Variants in JAK2 observed in about 807,000 individuals in gnomAD.
JAK2 encodes the protein tyrosine-protein kinase JAK2.
JAK2 carries 86 observed loss-of-function variants against 139.3 expected under a neutral mutation model. That is an observed-to-expected ratio of 0.62 (90% CI 0.52 to 0.74). The LOEUF (loss-of-function observed/expected upper bound fraction) is 0.74, where lower values mean the gene tolerates loss of function less well. JAK2 is among the 30% of genes least tolerant of loss of function. The pLI is 0.00. For synonymous variants in JAK2, 490 were observed against 437.7 expected (o/e 1.12, Z -1.49); for missense variants, 1,421 against 1,360.3 (o/e 1.04, Z -0.70).
At chr9:5,022,975 G>T (rs1352150848) in intron 3 of JAK2, among the ~76,000 whole-genome samples, 1 of 152,152 alleles carries the variant, frequency 6.6e-6, no homozygotes, top group Non-Finnish European at 1.5e-5. Flanking sequence ...GATCAGTATA[G>T]GTCAGAATAA....
At position 5,102,502 on chromosome 9, in the gene JAK2, C is replaced by G. The variant is rs201495277; in HGVS notation, c.3059+11591C>G. ...TATCCAGGAGAACTTCCCCGACCTA[C>G]CAAGGCAGGCCAACATTCAAATTCA... is the stretch of plus-strand genomic sequence containing the variant. On this transcript the variant is annotated intron_variant, in intron 22 of 24. Transcript: ENST00000381652. Among the ~76,000 whole-genome samples the G allele has an allele frequency of 3.9e-5, 6 of 152,224 alleles. No homozygotes were observed. In the East Asian group the frequency reaches 1.2e-3, roughly 29 times the overall value.
chr9:5,085,762 G>A, intron 19 of JAK2: 2 of 754,954 alleles, frequency 2.6e-6, no homozygotes, highest in Non-Finnish European at 5.0e-6. Flanking sequence ...GCTTGCACAT[G>A]TCGGGAGTTA....
At chr9:5,083,569 T>C (rs1167573681) in intron 19 of JAK2, among the ~76,000 whole-genome samples, 1 of 152,200 alleles carries the variant, frequency 6.6e-6, no homozygotes, top group African/African-American at 2.4e-5. Context: ...TAGATCTTGG[T>C]TTTTGTTTGC....
chr9:5,049,129 G>C (rs537822639), intron 5 of JAK2, among the ~76,000 whole-genome samples: 18 of 151,972 alleles, frequency 1.2e-4, no homozygotes, highest in Non-Finnish European at 1.9e-4. Flanking sequence ...TCTGTTTCCT[G>C]GATCAGATCC....
At chr9:5,050,338 C>T (rs1817325152) in intron 5 of JAK2, among the ~76,000 whole-genome samples, 1 of 152,102 alleles carries the variant, frequency 6.6e-6, no homozygotes, top group Non-Finnish European at 1.5e-5. Flanking sequence ...GTCTGTTACC[C>T]AGACTAGGGT....
At chr9:5,038,448 TTCAGACAAAGA>T (rs1258985443) in intron 4 of JAK2, among the ~76,000 whole-genome samples, 1 of 152,144 alleles carries the variant, frequency 6.6e-6, no homozygotes, top group African/African-American at 2.4e-5. Flanking sequence ...TGATAACAAA[TTCAGACAAAGA>T]TGTCTAGAAG....
Position 5,054,881 on chromosome 9 carries a change from A to T in JAK2, c.933A>T (p.Glu311Asp). The T allele has an allele frequency of 3.2e-6, 5 of 1,584,028 alleles. No individual in the cohort carries two copies. The highest frequency in any genetic ancestry group is 4.3e-6 in the Non-Finnish European group (5 of 1,161,308). Residue 311 changes from glutamate to aspartate, a missense_variant, in exon 7 of 25, where the codon GAA (glutamate) becomes GAT (aspartate). Physicochemically the swap from Glu to Asp is conservative, Grantham distance 45 (BLOSUM62 2). Coordinates refer to ENST00000381652, the MANE Select transcript of JAK2 (RefSeq NM_004972.4). The surrounding 1 kb of genome is among the most constrained non-coding windows in gnomAD (Gnocchi z 4.9). ...GKHKESETLT[E>D]QDLQLYCDFP... ...ATAAAGAAAGTGAGACACTGACAGAACAGGTAATCCTTAATGATATGTTCT... is the reference window on the plus strand; with the variant it reads ...ATAAAGAAAGTGAGACACTGACAGATCAGGTAATCCTTAATGATATGTTCT...
chr9:5,031,837 A>G (rs1229655399), intron 4 of JAK2, among the ~76,000 whole-genome samples: 1 of 152,260 alleles, frequency 6.6e-6, no homozygotes, highest in Non-Finnish European at 1.5e-5. Flanking sequence ...TGGGCGATGC[A>G]GAAGACGGGT....
chr9:5,042,066 G>A (rs1469642353), intron 4 of JAK2: 3 of 232,162 alleles, frequency 1.3e-5, no homozygotes, highest in South Asian at 5.4e-5. Context: ...GGTCTTGGCC[G>A]GCGGCCCCAT....
At chr9:5,097,783 G>A (rs1433843773) in intron 22 of JAK2, 1 of 152,122 alleles carries the variant, frequency 6.6e-6, no homozygotes, top group Admixed American at 6.5e-5. Flanking sequence ...CTATGTTGTA[G>A]CTCATTTCCA....
chr9:5,069,099 G>C lies in JAK2; in HGVS notation c.1404G>C (p.Lys468Asn), dbSNP rs772550238. 1.2e-6 allele frequency: 2 copies of C among 1,611,456 alleles called. No individual in the cohort carries two copies. The highest frequency in any genetic ancestry group is 1.1e-5 in the South Asian group (1 of 90,968). Residue 468 changes from lysine (K) to asparagine (N), a missense_variant, in exon 11 of 25, where the codon AAG (lysine) becomes AAC (asparagine). By Grantham distance (94) the Lys-to-Asn change is moderately conservative (BLOSUM62 0). Coordinates refer to ENST00000381652, the MANE Select transcript of JAK2 (RefSeq NM_004972.4). ...AAGAGTACAACCTCAGTGGGACAAA[G>C]AAGAACTTCAGCAGTCTTAAAGATC... ...ENEEYNLSGT[K>N]KNFSSLKDLL...
rs58424625 is a variant in JAK2 at position 5,062,500 on chromosome 9, T to TAAAAAAAAAAAAAAAAAAAAA, written c.1057-2372_1057-2352dup. ...AAGTTTGTCAGAAACCTTCCATTTG[T>TAAAAAAAAAAAAAAAAAAAAA]AAAAAAAAAAAAAAAAAAAAAAAAA... On this transcript the variant is annotated intron_variant, in intron 8 of 24. Transcript: ENST00000381652. 3.1e-4 allele frequency among the ~76,000 whole-genome samples: 18 copies of TAAAAAAAAAAAAAAAAAAAAA among 58,246 alleles called. 3 individuals carry two copies. Among genetic ancestry groups the TAAAAAAAAAAAAAAAAAAAAA allele is most frequent in the African/African-American group, 1.9e-3 (18 of 9,596 alleles). The allele number at this position is 58,246 out of a possible 152,430, so 38.2% of individuals were successfully genotyped here. A position where few individuals can be genotyped will look rare whatever the true frequency, so the allele number is the denominator to read the frequency against.
At chr9:5,064,755 C>A in intron 8 of JAK2, 128 bp from the exon 9 acceptor site, 1 of 593,862 alleles carries the variant, frequency 1.7e-6, no homozygotes, top group Non-Finnish European at 2.8e-6. Context: ...ATATTGAGTA[C>A]TGAGCCATAA....
chr9:5,024,924 C>T (rs776615936), intron 3 of JAK2, among the ~76,000 whole-genome samples: 6 of 152,150 alleles, frequency 3.9e-5, no homozygotes, highest in Non-Finnish European at 8.8e-5. Context: ...GCACCAATTG[C>T]CATCTTCAAG....
chr9:5,012,897 A>C (rs752807246), intron 2 of JAK2, among the ~76,000 whole-genome samples: 1 of 152,218 alleles, frequency 6.6e-6, no homozygotes, highest in Non-Finnish European at 1.5e-5. Flanking sequence ...TGGGAGGCAA[A>C]GTAGACTTAG....
At chr9:5,046,184 A>T (rs1816994361) in intron 5 of JAK2, among the ~76,000 whole-genome samples, 1 of 152,116 alleles carries the variant, frequency 6.6e-6, no homozygotes, top group South Asian at 2.1e-4. Context: ...TTCTTTGCAG[A>T]GATGTTGCTT....
intron 4 of JAK2, among the ~76,000 whole-genome samples, chr9:5,042,641 T>G (rs1816682084): frequency 1.3e-5 from 2 of 151,754 alleles, no homozygotes; most frequent in African/African-American, 2.4e-5. Flanking sequence ...AAGTCCAGCT[T>G]GTCTCCCTCA....
chr9:5,048,504 A>C (rs12348159), intron 5 of JAK2, among the ~76,000 whole-genome samples: 17 of 152,254 alleles, frequency 1.1e-4, no homozygotes, highest in African/African-American at 4.1e-4. Flanking sequence ...GTCATTGATC[A>C]TCTTCTACTT....
intron 22 of JAK2, chr9:5,096,791 T>C (rs1442989018): frequency 6.6e-6 from 1 of 152,174 alleles, no homozygotes; most frequent in East Asian, 1.9e-4. Flanking sequence ...CAGAATTAGG[T>C]CAACCAGGAA....
Sources: gnomAD v4.1 joint callset for allele counts (sites outside exome capture counted in the v4.1 genomes callset) on GRCh38, gnomAD v4.1.1 for gene constraint, Gnocchi (gnomAD v3.1) non-coding constraint, MANE v1.5 for transcripts, NCBI Gene and HGNC (gene_info 2026-07-23, HGNC 2026-07-21) for gene names.